The following CDH13 variants were observed in gnomAD, a reference collection of about 807,000 sequenced individuals.
CDH13 encodes the protein cadherin-13.
Under a neutral mutation model 63.8 loss-of-function variants are expected in CDH13, and 24 were observed. That is an observed-to-expected ratio of 0.38 (90% CI 0.27 to 0.53). The LOEUF (loss-of-function observed/expected upper bound fraction) is 0.53, where lower values mean the gene tolerates loss of function less well. Ranked by LOEUF, CDH13 falls within the 20% of genes least tolerant of loss-of-function variation. The pLI is 0.85. For missense variants in CDH13, 1,049 were observed against 903.1 expected (o/e 1.16, Z -2.07); for synonymous variants, 503 against 355.3 (o/e 1.42, Z -4.67).
intron 7 of CDH13, among the ~76,000 whole-genome samples, chr16:83,529,091 CTTTTT>C (rs10562201): frequency 7.1e-6 from 1 of 140,492 alleles, no homozygotes. Context: ...ATACCTCTGT[CTTTTT>C]TTTTTTTTTT....
chr16:83,311,360 T>C (rs1019256094), intron 5 of CDH13, among the ~76,000 whole-genome samples: 4 of 152,212 alleles, frequency 2.6e-5, no homozygotes, highest in Admixed American at 6.5e-5. Flanking sequence ...AAAGTCGTTA[T>C]ATTTTTGTGT....
At chr16:82,711,829 G>C (rs1023588962) in intron 1 of CDH13, among the ~76,000 whole-genome samples, 1 of 152,184 alleles carries the variant, frequency 6.6e-6, no homozygotes. Flanking sequence ...TCAGTGCCTC[G>C]AGGACTTGTT....
At chr16:83,678,550 C>T (rs1677489974) in intron 10 of CDH13, 89 bp downstream of exon 10, 18 of 1,478,886 alleles carry the variant, frequency 1.2e-5, no homozygotes, top group Non-Finnish European at 1.6e-5. Context: ...CAGGAGCAGA[C>T]ACCATTAAAT....
intron 1 of CDH13, among the ~76,000 whole-genome samples, chr16:82,687,167 G>A (rs186652548): frequency 1.5e-4 from 23 of 152,232 alleles, no homozygotes; most frequent in Admixed American, 8.5e-4. Context: ...CCTCTCTCAT[G>A]GTAGCTTTGA....
At chr16:82,894,637 C>T (rs1282853712) in intron 2 of CDH13, among the ~76,000 whole-genome samples, 1 of 151,948 alleles carries the variant, frequency 6.6e-6, no homozygotes, top group African/African-American at 2.4e-5. Context: ...GCAAAACCTC[C>T]ATCTCAAAAA....
At chr16:82,699,588 G>A (rs914295550) in intron 1 of CDH13, among the ~76,000 whole-genome samples, 1 of 152,136 alleles carries the variant, frequency 6.6e-6, no homozygotes, top group Non-Finnish European at 1.5e-5. Context: ...TTTAGAAATG[G>A]TATTTAAGAG....
chr16:83,705,736 C>G lies in CDH13; in HGVS notation c.1538+27275C>G, dbSNP rs76258384. Among the ~76,000 whole-genome samples the G allele has an allele frequency of 9.3e-3, 1,411 of 152,322 alleles. 58 individuals are homozygous for G. Among genetic ancestry groups the G allele is most frequent in the Admixed American group, 0.067 (1,020 of 15,308 alleles). On this transcript the variant is annotated intron_variant, in intron 10 of 13. Coordinates refer to ENST00000567109, the MANE Select transcript of CDH13 (RefSeq NM_001257.5). ...TTATCATTTCATCCTTCAAACAACC[C>G]TAAAGCTGACCTTACTGTCAAGCAT... is the stretch of plus-strand genomic sequence containing the variant.
intron 10 of CDH13, among the ~76,000 whole-genome samples, chr16:83,693,888 C>G (rs1300937667): frequency 6.6e-6 from 1 of 152,190 alleles, no homozygotes; most frequent in Non-Finnish European, 1.5e-5. Flanking sequence ...GTTGTAGATA[C>G]TCTGTCACCC....
Position 83,158,750 on chromosome 16 carries a change from C to A in CDH13, c.483+33249C>A, listed in dbSNP as rs541509830. 3.9e-5 allele frequency among the ~76,000 whole-genome samples: 6 copies of A among 152,180 alleles called. No homozygotes were observed. In the South Asian group the frequency reaches 1.2e-3, roughly 31 times the overall value. On this transcript the variant is annotated intron_variant, in intron 4 of 13. Coordinates refer to ENST00000567109, the MANE Select transcript of CDH13 (RefSeq NM_001257.5). Reference sequence around the variant, plus strand: ...TGCCCAGCTGGGTCGCACCCTTGCTCGAGTCACTGAGCAGTGTGCCTGGCT... The same window carrying A: ...TGCCCAGCTGGGTCGCACCCTTGCTAGAGTCACTGAGCAGTGTGCCTGGCT...
chr16:83,379,212 A>G (rs568738147), intron 6 of CDH13, among the ~76,000 whole-genome samples: 1 of 152,322 alleles, frequency 6.6e-6, no homozygotes, highest in South Asian at 2.1e-4. Flanking sequence ...CACCAAAGTA[A>G]TAACAACTGT....
At chr16:82,914,671 A>C (rs1437805077) in intron 2 of CDH13, among the ~76,000 whole-genome samples, 4 of 152,232 alleles carry the variant, frequency 2.6e-5, no homozygotes, top group African/African-American at 9.6e-5. Flanking sequence ...GCCCTGGCAC[A>C]GGCAAAAGTG....
chr16:83,301,024 G>GTTTTTTTTTTTTTTTTTTTTTTTTTT (rs1567574870), intron 5 of CDH13, among the ~76,000 whole-genome samples: 4 of 53,988 alleles, frequency 7.4e-5, no homozygotes, highest in African/African-American at 2.7e-4. Context: ...AACTTTCTGG[G>GTTTTTTTTTTTTTTTTTTTTTTTTTT]GTTTTTTTTT....
chr16:83,780,562 C>T (rs898605029), intron 12 of CDH13, among the ~76,000 whole-genome samples: 1 of 152,194 alleles, frequency 6.6e-6, no homozygotes, highest in African/African-American at 2.4e-5. Context: ...TTTTTACATA[C>T]ATACATTGCA....
At chr16:82,961,520 T>C (rs1022869866) in intron 2 of CDH13, among the ~76,000 whole-genome samples, 3 of 149,260 alleles carry the variant, frequency 2.0e-5, no homozygotes, top group African/African-American at 5.0e-5. Context: ...AAGCCCCTAC[T>C]GTCTTTATCA....
chr16:83,437,809 A>T (rs1355379847), intron 6 of CDH13, among the ~76,000 whole-genome samples: 1 of 152,182 alleles, frequency 6.6e-6, no homozygotes, highest in East Asian at 1.9e-4. Flanking sequence ...GATGTATAAT[A>T]GTTTGGCCAA....
chr16:83,558,040 A>T (rs377319216), intron 7 of CDH13, among the ~76,000 whole-genome samples: 1 of 152,152 alleles, frequency 6.6e-6, no homozygotes, highest in African/African-American at 2.4e-5. Context: ...ACAGCTTTAT[A>T]TAAAAAGGGC....
At chr16:83,685,837 C>A (rs1904304237) in intron 10 of CDH13, among the ~76,000 whole-genome samples, 2 of 152,214 alleles carry the variant, frequency 1.3e-5, no homozygotes, top group Non-Finnish European at 2.9e-5. Context: ...TGCCTGTGCA[C>A]AGGCCTCTGC....
chr16:82,696,883 T>A (rs548836515), intron 1 of CDH13, among the ~76,000 whole-genome samples: 1 of 152,320 alleles, frequency 6.6e-6, no homozygotes, highest in East Asian at 1.9e-4. Flanking sequence ...TGACTGGGGC[T>A]GGAAGATCTG....
intron 4 of CDH13, among the ~76,000 whole-genome samples, chr16:83,203,367 A>C (rs2039087824): frequency 6.6e-6 from 1 of 152,020 alleles, no homozygotes; most frequent in Non-Finnish European, 1.5e-5. Flanking sequence ...TGTACCGCCA[A>C]ATCTAAAATA....
Sources: allele counts gnomAD v4.1 joint callset (sites outside exome capture counted in the v4.1 genomes callset), GRCh38; gene constraint gnomAD v4.1.1; transcripts MANE v1.5; gene names NCBI Gene and HGNC (gene_info 2026-07-23, HGNC 2026-07-21).